STXBP5L: variants seen among roughly 807,000 people sequenced by gnomAD.
The protein encoded by STXBP5L is syntaxin binding protein 5L, also known as syntaxin-binding protein 5-like.
A neutral mutation model predicts 144.5 loss-of-function variants in STXBP5L; 65 were observed. The observed-to-expected ratio is 0.45, with a 90% CI of 0.37 to 0.55. The LOEUF (loss-of-function observed/expected upper bound fraction) is 0.55. Among genes scored for constraint, STXBP5L ranks in the 20% least tolerant of loss-of-function variants. The probability of loss-of-function intolerance (pLI) is 0.00; values close to 1 mark genes in which losing one functional copy is unlikely to be tolerated. For synonymous variants in STXBP5L, 505 were observed against 469.6 expected (o/e 1.08, Z -0.97); for missense variants, 1,298 against 1,405.5 (o/e 0.92, Z 1.22).
chr3:121,195,087 T>C (rs1411055470), intron 9 of STXBP5L, among the ~76,000 whole-genome samples: 6 of 151,918 alleles, frequency 3.9e-5, no homozygotes, highest in Non-Finnish European at 7.4e-5. Flanking sequence ...AGCTAATTTT[T>C]GTATTTTTTT....
At chr3:121,111,866 C>A (rs959627171) in intron 5 of STXBP5L, among the ~76,000 whole-genome samples, 1 of 152,146 alleles carries the variant, frequency 6.6e-6, no homozygotes, top group African/African-American at 2.4e-5. Flanking sequence ...CATGGCTGCC[C>A]CTCCTGCAAG....
chr3:121,128,796 A>G (rs2044837236), intron 7 of STXBP5L, among the ~76,000 whole-genome samples: 1 of 152,088 alleles, frequency 6.6e-6, no homozygotes, highest in South Asian at 2.1e-4. Flanking sequence ...AATTTTTGAC[A>G]GTCACCATCA....
intron 2 of STXBP5L, 66 bp downstream of exon 2, chr3:120,909,833 G>GA (rs1311463171): frequency 2.7e-6 from 4 of 1,456,542 alleles, no homozygotes; most frequent in Non-Finnish European, 2.8e-6. Context: ...AACAAGGGGG[G>GA]AAAAACATAC....
intron 3 of STXBP5L, among the ~76,000 whole-genome samples, chr3:121,020,639 G>T (rs1378449266): frequency 6.6e-6 from 1 of 152,072 alleles, no homozygotes; most frequent in Non-Finnish European, 1.5e-5. Flanking sequence ...TATCAGGCAA[G>T]AATTTTTTAT....
rs375230284 is a variant in STXBP5L at position 121,374,760 on chromosome 3, CA to C, written c.2177-3953del. Among the ~76,000 whole-genome samples, 378 of 151,470 alleles carry C rather than the reference CA, an allele frequency of 2.5e-3. 2 individuals are homozygous for C. Among genetic ancestry groups the C allele is most frequent in the South Asian group, 0.024 (117 of 4,794 alleles). On this transcript the variant is annotated intron_variant, in intron 20 of 26. Transcript: ENST00000471454. The stretch of plus-strand genomic sequence containing the variant: ...GGTCTTTTGAAATAACCCAATCAGA[CA>C]AAGGTGGTATGGGGGTGTTGTGGAG...
intron 22 of STXBP5L, among the ~76,000 whole-genome samples, chr3:121,398,827 T>C (rs1467661111): frequency 2.0e-5 from 3 of 152,200 alleles, no homozygotes; most frequent in Admixed American, 1.3e-4. Context: ...AGCTATAATA[T>C]TTCCCTGCTG....
chr3:121,168,720 G>T (rs1270168218), intron 9 of STXBP5L, among the ~76,000 whole-genome samples: 1 of 152,162 alleles, frequency 6.6e-6, no homozygotes, highest in South Asian at 2.1e-4. Context: ...TTTGATTGGT[G>T]TACCTAAAAG....
intron 5 of STXBP5L, among the ~76,000 whole-genome samples, chr3:121,092,238 T>C (rs148511067): frequency 0.12 from 18,251 of 151,974 alleles, 1,160 homozygotes; most frequent in Non-Finnish European, 0.14. Flanking sequence ...GGCTTAGGAC[T>C]GACTTGGCAA....
At chr3:121,206,460 G>C (rs1041259712) in intron 10 of STXBP5L, among the ~76,000 whole-genome samples, 11 of 152,042 alleles carry the variant, frequency 7.2e-5, no homozygotes, top group African/African-American at 2.7e-4. Context: ...TAAATTTTAA[G>C]GTGTTGAAAA....
chr3:121,174,002 T>C (rs559750173), intron 9 of STXBP5L, among the ~76,000 whole-genome samples: 4 of 152,248 alleles, frequency 2.6e-5, no homozygotes, highest in Admixed American at 2.6e-4. Flanking sequence ...ATATGCAATA[T>C]GCTGGAGAGA....
At chr3:121,054,595 G>C (rs1377557600) in intron 5 of STXBP5L, among the ~76,000 whole-genome samples, 1 of 110,484 alleles carries the variant, frequency 9.1e-6, no homozygotes, top group Non-Finnish European at 1.8e-5. Flanking sequence ...GTTGTGGGGT[G>C]GGGGGAGGGG....
intron 3 of STXBP5L, among the ~76,000 whole-genome samples, chr3:120,969,580 G>A (rs1940005325): frequency 6.6e-6 from 1 of 151,616 alleles, no homozygotes; most frequent in Non-Finnish European, 1.5e-5. Context: ...TGGTTTTGTT[G>A]TATTTGCTTT....
intron 18 of STXBP5L, among the ~76,000 whole-genome samples, chr3:121,262,914 G>A (rs1230893288): frequency 3.3e-5 from 5 of 152,210 alleles, no homozygotes; most frequent in Non-Finnish European, 7.3e-5. Flanking sequence ...AAATGTTCCT[G>A]CCTGCTGGCT....
chr3:121,040,976 C>G (rs1265603057), intron 3 of STXBP5L, among the ~76,000 whole-genome samples: 1 of 151,960 alleles, frequency 6.6e-6, no homozygotes, highest in Non-Finnish European at 1.5e-5. Flanking sequence ...TGCAAGCAAA[C>G]AAATGATAAG....
chr3:121,417,121 T>C (rs374120112), intron 25 of STXBP5L, among the ~76,000 whole-genome samples: 1 of 152,100 alleles, frequency 6.6e-6, no homozygotes, highest in East Asian at 1.9e-4. Context: ...AATGGGCAAA[T>C]TCAGAAAGAC....
chr3:120,955,023 A>G lies in STXBP5L; in HGVS notation c.273A>G (p.Thr91=), dbSNP rs1319796485. 9 of 1,612,260 alleles carry G rather than the reference A, an allele frequency of 5.6e-6. No individual in the cohort carries two copies. The highest frequency in any genetic ancestry group is 4.4e-5 in the South Asian group (4 of 91,012). ...AAATCTTGGCTATTGGGACGAGAAC[A>G]GGTGCTATACGAATGTATCCTTAAA... ...VQKILAIGTR[T]GAIRILGRPG... The change falls in exon 3 of 27, where the codon ACA becomes ACG. Residue 91 remains threonine, a synonymous_variant. Transcript: ENST00000471454.
At chr3:121,334,020 G>A (rs543842453) in intron 20 of STXBP5L, among the ~76,000 whole-genome samples, 1 of 152,034 alleles carries the variant, frequency 6.6e-6, no homozygotes, top group Admixed American at 6.6e-5. Flanking sequence ...TACTGCTCTC[G>A]TGGGGAGCAG....
At chr3:121,318,952 C>G (rs901481360) in intron 20 of STXBP5L, among the ~76,000 whole-genome samples, 1 of 151,974 alleles carries the variant, frequency 6.6e-6, no homozygotes, top group Admixed American at 6.6e-5. Context: ...AGTTTGGAAA[C>G]ATGTATATTT....
At chr3:121,418,169 T>C (rs1339615422) in intron 25 of STXBP5L, among the ~76,000 whole-genome samples, 168 bp from the exon 26 acceptor site, 1 of 152,220 alleles carries the variant, frequency 6.6e-6, no homozygotes, top group Non-Finnish European at 1.5e-5. Context: ...TTAGCATTTT[T>C]CTTAAGTGCT....
Sources: allele counts gnomAD v4.1 joint callset (sites outside exome capture counted in the v4.1 genomes callset), GRCh38; gene constraint gnomAD v4.1.1; transcripts MANE v1.5; gene names NCBI Gene and HGNC (gene_info 2026-07-23, HGNC 2026-07-21).